DYM: variants seen among roughly 807,000 people sequenced by gnomAD.
DYM encodes dymeclin, also known as dyggve-Melchior-Clausen syndrome protein.
DYM carries 78 observed loss-of-function variants against 93.1 expected under a neutral mutation model. That is an observed-to-expected ratio of 0.84 (90% CI 0.70 to 1.01). DYM has a LOEUF of 1.01. Ranked by LOEUF, DYM falls within the 50% of genes least tolerant of loss-of-function variation. The pLI, the probability that DYM is intolerant of heterozygous loss-of-function variation, is 0.00. For missense variants in DYM, 789 were observed against 845.0 expected (o/e 0.93, Z 0.82); for synonymous variants, 321 against 319.7 (o/e 1.00, Z -0.04).
At chr18:49,309,598 G>T (rs575966145) in intron 8 of DYM, among the ~76,000 whole-genome samples, 45 of 152,250 alleles carry the variant, frequency 3.0e-4, no homozygotes, top group Non-Finnish European at 5.6e-4. Context: ...TCGCACCACT[G>T]TGCTCCAGCC....
chr18:49,080,650 C>G, intron 17 of DYM, among the ~76,000 whole-genome samples: 1 of 149,168 alleles, frequency 6.7e-6, no homozygotes, highest in Non-Finnish European at 1.5e-5. Flanking sequence ...TGACCCCCCC[C>G]ACCTCCCTCC....
intron 1 of DYM, among the ~76,000 whole-genome samples, chr18:49,451,469 G>A (rs1381657114): frequency 1.3e-5 from 2 of 152,164 alleles, no homozygotes; most frequent in African/African-American, 2.4e-5. Flanking sequence ...CCTTTGGTCA[G>A]TAAAGAATGT....
intron 11 of DYM, among the ~76,000 whole-genome samples, chr18:49,259,985 A>G (rs1568122583): frequency 6.6e-6 from 1 of 152,224 alleles, no homozygotes; most frequent in East Asian, 1.9e-4. Context: ...GGAAGCTGGA[A>G]TTTTTTAAAA....
At chr18:49,293,883 C>A (rs987252180) in intron 8 of DYM, among the ~76,000 whole-genome samples, 2 of 152,176 alleles carry the variant, frequency 1.3e-5, no homozygotes, top group African/African-American at 4.8e-5. Context: ...GTCATGGAAT[C>A]TTTGCCCATG....
At chr18:49,296,506 A>C (rs1025522867) in intron 8 of DYM, among the ~76,000 whole-genome samples, 4 of 152,332 alleles carry the variant, frequency 2.6e-5, no homozygotes, top group African/African-American at 9.6e-5. Flanking sequence ...CTTCAGTCTA[A>C]AGGAGAAACT....
intron 11 of DYM, among the ~76,000 whole-genome samples, chr18:49,266,932 T>C (rs1049595831): frequency 2.0e-5 from 3 of 152,108 alleles, no homozygotes; most frequent in African/African-American, 7.2e-5. Flanking sequence ...ATCAAAGGTC[T>C]AAGCTTCTAC....
chr18:49,227,318 A>T (rs2093568207), intron 13 of DYM, among the ~76,000 whole-genome samples: 1 of 152,208 alleles, frequency 6.6e-6, no homozygotes, highest in African/African-American at 2.4e-5. Context: ...GGAGCCATGA[A>T]ATAAGGCCAA....
At chr18:49,181,122 A>T (rs1164132585) in intron 14 of DYM, among the ~76,000 whole-genome samples, 1 of 152,192 alleles carries the variant, frequency 6.6e-6, no homozygotes, top group Admixed American at 6.5e-5. Flanking sequence ...CATGAAATGC[A>T]GCAAACCATC....
At chr18:49,422,214 C>A (rs145787793) in intron 2 of DYM, among the ~76,000 whole-genome samples, 13,888 of 152,074 alleles carry the variant, frequency 0.091, 854 homozygotes, top group East Asian at 0.31. Flanking sequence ...CAGATTCAAC[C>A]AAGTTGAAAT....
chr18:49,266,124 A>G (rs1473907836), intron 11 of DYM, among the ~76,000 whole-genome samples: 2 of 152,124 alleles, frequency 1.3e-5, no homozygotes, highest in African/African-American at 4.8e-5. Flanking sequence ...ACAAAATTAA[A>G]TAATTAAACT....
intron 17 of DYM, among the ~76,000 whole-genome samples, chr18:49,091,888 C>T (rs961844152): frequency 5.9e-5 from 9 of 152,068 alleles, no homozygotes; most frequent in African/African-American, 2.2e-4. Flanking sequence ...GCTGGGATTA[C>T]AGGTGTGAGC....
At chr18:49,195,100 G>A (rs2091321216) in intron 14 of DYM, among the ~76,000 whole-genome samples, 1 of 152,120 alleles carries the variant, frequency 6.6e-6, no homozygotes, top group Non-Finnish European at 1.5e-5. Flanking sequence ...GAAGCTAGCA[G>A]AGTAAATGTT....
chr18:49,334,147 T>C (rs914815010), intron 6 of DYM, among the ~76,000 whole-genome samples: 3 of 152,244 alleles, frequency 2.0e-5, no homozygotes, highest in African/African-American at 7.2e-5. Context: ...ACTAGCAGTG[T>C]TCTGTTTTGA....
intron 14 of DYM, among the ~76,000 whole-genome samples, chr18:49,173,856 G>A (rs2089058556): frequency 6.6e-6 from 1 of 151,950 alleles, no homozygotes; most frequent in African/African-American, 2.4e-5. Context: ...TCTGTTTCTT[G>A]ACTTATGGCA....
At chr18:49,044,952 C>T (rs1305712969) in intron 17 of DYM, among the ~76,000 whole-genome samples, 1 of 152,280 alleles carries the variant, frequency 6.6e-6, no homozygotes, top group Non-Finnish European at 1.5e-5. Context: ...TGCGTTTTAG[C>T]ACATCACTGG....
intron 1 of DYM, among the ~76,000 whole-genome samples, chr18:49,456,354 C>T (rs2082983439): frequency 6.6e-6 from 1 of 152,112 alleles, no homozygotes; most frequent in Non-Finnish European, 1.5e-5. Flanking sequence ...CAAACCTAAG[C>T]CTAACTGATA....
chr18:49,100,348 T>C (rs1450988313), intron 16 of DYM, among the ~76,000 whole-genome samples: 1 of 152,100 alleles, frequency 6.6e-6, no homozygotes, highest in Non-Finnish European at 1.5e-5. Flanking sequence ...CACTTACTAC[T>C]CAAAGACACG....
At chr18:49,258,746 C>T (rs1431698389) in intron 11 of DYM, among the ~76,000 whole-genome samples, 1 of 148,102 alleles carries the variant, frequency 6.8e-6, no homozygotes, top group Non-Finnish European at 1.5e-5. Context: ...TAAGTTAAGA[C>T]ATTTCCACTG....
In DYM at chr18:49,246,835, TGA is replaced by T. The variant is rs111268037; in HGVS notation, c.1460+10173_1460+10174del. ...TATTTAAATACAATGCATTAGCAAC[TGA>T]GAGATAAAACCTAGAGCAGTATCAA... On this transcript the variant is annotated intron_variant, in intron 13 of 17. Transcript: ENST00000675505. 1.0e-2 allele frequency among the ~76,000 whole-genome samples: 1,520 copies of T among 152,304 alleles called. 24 individuals are homozygous for T. Among genetic ancestry groups the T allele is most frequent in the African/African-American group, 0.035 (1,450 of 41,566 alleles).
Sources: allele counts gnomAD v4.1 joint callset (sites outside exome capture counted in the v4.1 genomes callset), GRCh38; gene constraint gnomAD v4.1.1; transcripts MANE v1.5; gene names NCBI Gene and HGNC (gene_info 2026-07-23, HGNC 2026-07-21).